Variants in ANLN observed in about 807,000 individuals in gnomAD.
ANLN encodes anillin.
A neutral mutation model predicts 135.1 loss-of-function variants in ANLN; 59 were observed. That is an observed-to-expected ratio of 0.44 (90% CI 0.35 to 0.54). The LOEUF (loss-of-function observed/expected upper bound fraction) is 0.54, where lower values mean the gene tolerates loss of function less well. Ranked by LOEUF, ANLN falls within the 20% of genes least tolerant of loss-of-function variation. ANLN has a pLI of 0.00. For missense variants in ANLN, 1,182 were observed against 1,340.0 expected (o/e 0.88, Z 1.84); for synonymous variants, 406 against 456.4 (o/e 0.89, Z 1.41).
intron 19 of ANLN, 144 bp downstream of exon 19, chr7:36,426,180 G>GT: frequency 1.5e-6 from 1 of 655,568 alleles, no homozygotes; most frequent in Non-Finnish European, 2.4e-6. Context: ...GAGTTTCTTA[G>GT]TAACAGGATT....
intron 7 of ANLN, 141 bp from the exon 8 acceptor site, chr7:36,415,617 A>G (rs1787606109): frequency 2.2e-6 from 2 of 889,502 alleles, no homozygotes; most frequent in African/African-American, 1.7e-5. Context: ...GGCTGGGCCT[A>G]TTCACATACA....
At chr7:36,445,531 G>A (rs938828698) in intron 22 of ANLN, among the ~76,000 whole-genome samples, 3 of 152,090 alleles carry the variant, frequency 2.0e-5, no homozygotes, top group African/African-American at 7.2e-5. Context: ...CCTCTTCTCT[G>A]TATAGTATAC....
intron 5 of ANLN, among the ~76,000 whole-genome samples, chr7:36,410,247 C>T (rs1183474616): frequency 2.0e-5 from 3 of 151,768 alleles, no homozygotes; most frequent in African/African-American, 7.3e-5. Flanking sequence ...TTTCTAAGCC[C>T]TACTGCCCTC....
Position 36,419,537 on chromosome 7 carries a change from T to C in ANLN, c.1869+58T>C, listed in dbSNP as rs930600268. ...ATAAGTAAACTAAGTAGTATTCGTA[T>C]CTCCCCTTTCTTTTGTTGACAGATG... is the stretch of plus-strand genomic sequence containing the variant. On this transcript the variant is annotated intron_variant, in intron 10 of 23. Coordinates refer to ENST00000265748, the MANE Select transcript of ANLN (RefSeq NM_018685.5). 42 of 1,402,890 alleles carry C rather than the reference T, an allele frequency of 3.0e-5. No homozygotes were observed. The Admixed American group carries it at 4.6e-4, about 15-fold the overall frequency. The allele number at this position is 1,402,890 out of a possible 1,614,324, so 86.9% of individuals were successfully genotyped here.
intron 7 of ANLN, among the ~76,000 whole-genome samples, chr7:36,412,920 C>T (rs962433693): frequency 2.6e-5 from 4 of 152,140 alleles, no homozygotes; most frequent in African/African-American, 9.7e-5. Flanking sequence ...ATAGGTCAAA[C>T]TTTAATCCCC....
rs1162667462 is a variant in ANLN at position 36,406,576 on chromosome 7, T to A, written c.873+10T>A. The A allele has an allele frequency of 6.7e-7, 1 of 1,484,460 alleles. No individual in the cohort carries two copies. 92.0% of individuals were successfully genotyped at this position (1,484,460 alleles called of 1,614,324 possible). A position where few individuals can be genotyped will look rare whatever the true frequency, so the allele number is the denominator to read the frequency against. ...AATTTCCAGCTCTGTGGTAAGTCAG[T>A]ATCATTTTGGTCTTTGGAAGCCTTT... On this transcript the variant is annotated intron_variant, in intron 4 of 23. Transcript: ENST00000265748.
intron 3 of ANLN, among the ~76,000 whole-genome samples, chr7:36,405,116 T>C (rs549494679): frequency 5.4e-4 from 82 of 152,334 alleles, no homozygotes; most frequent in African/African-American, 1.9e-3. Context: ...ACTGTACTTT[T>C]TCTATATTTA....
intron 3 of ANLN, chr7:36,403,441 T>C (rs1463564006): frequency 6.6e-6 from 1 of 152,162 alleles, no homozygotes; most frequent in African/African-American, 2.4e-5. Context: ...TAGTAGAGAA[T>C]GATGTCACAA....
chr7:36,417,438 C>T (rs889935689), intron 9 of ANLN, among the ~76,000 whole-genome samples: 2 of 152,096 alleles, frequency 1.3e-5, no homozygotes, highest in Non-Finnish European at 2.9e-5. Flanking sequence ...ACGCTCTGTA[C>T]TGGTAGAGGG....
chr7:36,437,324 A>T lies in ANLN; in HGVS notation c.2884-1880A>T, dbSNP rs561007390. Among the ~76,000 whole-genome samples the T allele has an allele frequency of 5.9e-5, 9 of 152,304 alleles. No homozygotes were observed. The South Asian group carries it at 1.2e-3, about 21-fold the overall frequency. ...CTGACTAGCTTATTTCATTTAGCAT[A>T]ATGTCCTCAAAGTTTGTTCATGTTG... On this transcript the variant is annotated intron_variant, in intron 20 of 23. Coordinates refer to ENST00000265748, the MANE Select transcript of ANLN (RefSeq NM_018685.5).
At chr7:36,443,933 C>A in intron 22 of ANLN, 71 bp downstream of exon 22, 1 of 1,014,480 alleles carries the variant, frequency 9.9e-7, no homozygotes, top group Non-Finnish European at 1.5e-6. Context: ...GCAAATGTTC[C>A]CTCTGGCCCC....
chr7:36,417,963 C>T (rs1392098662), intron 9 of ANLN, among the ~76,000 whole-genome samples: 1 of 152,198 alleles, frequency 6.6e-6, no homozygotes, highest in East Asian at 1.9e-4. Context: ...GCGTGAGCCA[C>T]CATACCTGGC....
chr7:36,441,725 G>C (rs1386100383), intron 21 of ANLN, among the ~76,000 whole-genome samples: 1 of 152,204 alleles, frequency 6.6e-6, no homozygotes, highest in Non-Finnish European at 1.5e-5. Flanking sequence ...TCTGATTATA[G>C]TATGATGTCA....
intron 5 of ANLN, among the ~76,000 whole-genome samples, chr7:36,409,954 G>C (rs542104711): frequency 1.1e-3 from 162 of 152,274 alleles, no homozygotes; most frequent in Non-Finnish European, 1.9e-3. Flanking sequence ...TTACAGGTGT[G>C]AGCCACTGCA....
At chr7:36,422,125 C>T (rs1419193570) in intron 13 of ANLN, 133 bp downstream of exon 13, 2 of 1,118,564 alleles carry the variant, frequency 1.8e-6, no homozygotes, top group African/African-American at 3.2e-5. Flanking sequence ...ATTTTTTGTT[C>T]TTGTTTTTAT....
Position 36,452,620 on chromosome 7 carries a change from A to C in ANLN, c.*20A>C. On this transcript the variant is annotated 3_prime_UTR_variant, in exon 24 of 24. Coordinates refer to ENST00000265748, the MANE Select transcript of ANLN (RefSeq NM_018685.5). ...CCTTAAACCGGGAAATTTCCATGCT[A>C]TCTAGAGGTTTTTGATGTCATCTTA... 6.2e-7 allele frequency: 1 copy of C among 1,611,210 alleles called. No homozygotes were observed. Among genetic ancestry groups the C allele is most frequent in the Non-Finnish European group, 8.5e-7 (1 of 1,178,104 alleles).
At chr7:36,437,936 A>T (rs1347768052) in intron 20 of ANLN, among the ~76,000 whole-genome samples, 1 of 151,636 alleles carries the variant, frequency 6.6e-6, no homozygotes, top group East Asian at 1.9e-4. Flanking sequence ...ATGCTGGCTA[A>T]TTTTTGTATT....
Position 36,421,897 on chromosome 7 carries a change from A to G in ANLN, c.2204A>G (p.Tyr735Cys), listed in dbSNP as rs367548367. ...ATAAATATGCAACAGACAGTGATCT[A>G]TCAAGCTAGCCAGGCTCTTAACTGC... Reference protein sequence around the residue: ...NEINMQQTVIYQASQALNCCV... With the variant: ...NEINMQQTVICQASQALNCCV... Residue 735 changes from tyrosine (Y) to cysteine (C), a missense_variant, in exon 13 of 24, where the codon TAT becomes TGT. Transcript: ENST00000265748. 4.5e-5 allele frequency: 72 copies of G among 1,613,560 alleles called. No individual in the cohort carries two copies. In the African/African-American group the frequency reaches 4.8e-4, roughly 11 times the overall value.
intron 3 of ANLN, among the ~76,000 whole-genome samples, chr7:36,401,490 C>G (rs544527220): frequency 6.6e-6 from 1 of 152,312 alleles, no homozygotes; most frequent in African/African-American, 2.4e-5. Context: ...AGGCACATGC[C>G]ATCACACCCA....
Sources: allele counts gnomAD v4.1 joint callset (sites outside exome capture counted in the v4.1 genomes callset), GRCh38; gene constraint gnomAD v4.1.1; transcripts MANE v1.5; gene names NCBI Gene and HGNC (gene_info 2026-07-23, HGNC 2026-07-21).